Variants in MCEE observed in about 807,000 individuals in gnomAD.
MCEE encodes the protein methylmalonyl-CoA epimerase, mitochondrial.
Under a neutral mutation model 12.9 loss-of-function variants are expected in MCEE, and 6 were observed. The observed-to-expected ratio is 0.47, with a 90% CI of 0.26 to 0.92. The LOEUF is 0.92. Among genes scored for constraint, MCEE ranks in the 40% least tolerant of loss-of-function variants. MCEE has a pLI of 0.16. For synonymous variants in MCEE, 78 were observed against 77.9 expected (o/e 1.00, Z -0.01); for missense variants, 214 against 212.1 (o/e 1.01, Z -0.05).
intron 1 of MCEE, among the ~76,000 whole-genome samples, chr2:71,125,211 A>ATATATATATATATATATTTT: frequency 4.1e-5 from 2 of 48,596 alleles, no homozygotes; most frequent in African/African-American, 6.0e-5. Flanking sequence ...ATATATATAT[A>ATATATATATATATATATTTT]TTTTTTTTTT....
chr2:71,119,045 A>T (rs1673049170), intron 2 of MCEE, among the ~76,000 whole-genome samples: 1 of 149,696 alleles, frequency 6.7e-6, no homozygotes, highest in South Asian at 2.1e-4. Context: ...AACAAAAATG[A>T]CTCTTCTGCT....
chr2:71,113,080 C>T (rs1672921854), intron 2 of MCEE, among the ~76,000 whole-genome samples: 1 of 152,190 alleles, frequency 6.6e-6, no homozygotes, highest in African/African-American at 2.4e-5. Flanking sequence ...ACAAATATAA[C>T]TACCACACAT....
At chr2:71,125,179 A>G (rs1273177569) in intron 1 of MCEE, among the ~76,000 whole-genome samples, 8 of 70,134 alleles carry the variant, frequency 1.1e-4, no homozygotes, top group Admixed American at 8.2e-4. Context: ...ATGTGTGTGT[A>G]TATATATAAA....
intron 2 of MCEE, among the ~76,000 whole-genome samples, chr2:71,119,431 C>G (rs1399118270): frequency 6.6e-6 from 1 of 150,604 alleles, no homozygotes; most frequent in Non-Finnish European, 1.5e-5. Flanking sequence ...GGACTCATCA[C>G]TGACTGAAAC....
chr2:71,124,167 A>C, intron 2 of MCEE, 39 bp downstream of exon 2: 1 of 1,453,404 alleles, frequency 6.9e-7, no homozygotes, highest in Non-Finnish European at 9.6e-7. Context: ...TTTTTAAAAG[A>C]GAGATTTAAA....
rs1262049786 is a variant in MCEE at position 71,109,927 on chromosome 2, A to C, written c.*43T>G. 3 of 1,603,440 alleles carry C rather than the reference A, an allele frequency of 1.9e-6. No individual in the cohort carries two copies. The highest frequency in any genetic ancestry group is 1.3e-5 in the African/African-American group (1 of 74,874). On this transcript the variant is annotated 3_prime_UTR_variant, in exon 3 of 3. Coordinates refer to ENST00000244217, the MANE Select transcript of MCEE (RefSeq NM_032601.4). ...ATAGTACATTTTGATAGTATTTGAT[A>C]GGCTTTTTCAGGTCAATTAATTTAG...
At chr2:71,129,221 T>C (rs894529475) in intron 1 of MCEE, among the ~76,000 whole-genome samples, 1 of 152,212 alleles carries the variant, frequency 6.6e-6, no homozygotes, top group Non-Finnish European at 1.5e-5. Context: ...AGTCATACTT[T>C]TTCCCAAACT....
In MCEE at chr2:71,118,395, C is replaced by T. The variant is rs939550505; in HGVS notation, c.378+5811G>A. Reference sequence around the variant, plus strand: ...TTGCTGCCGCTGCCCCTCAGGTGGACGCTCTTCTCAACATCCTTGGGCTCC... The same window carrying T: ...TTGCTGCCGCTGCCCCTCAGGTGGATGCTCTTCTCAACATCCTTGGGCTCC... On this transcript the variant is annotated intron_variant, in intron 2 of 2. Transcript: ENST00000244217. 6.0e-5 allele frequency: 9 copies of T among 150,804 alleles called. 1 individual carries two copies. Among genetic ancestry groups the T allele is most frequent in the African/African-American group, 1.5e-4 (6 of 39,648 alleles). 9.3% of individuals were successfully genotyped at this position (150,804 alleles called of 1,614,324 possible). A position where few individuals can be genotyped will look rare whatever the true frequency, so the allele number is the denominator to read the frequency against.
intron 1 of MCEE, among the ~76,000 whole-genome samples, chr2:71,125,131 T>A (rs1673189056): frequency 7.3e-6 from 1 of 136,494 alleles, no homozygotes; most frequent in East Asian, 2.1e-4. Flanking sequence ...GGATTACAGG[T>A]GCCTGTCACC....
chr2:71,126,555 A>C (rs1009308160), intron 1 of MCEE, among the ~76,000 whole-genome samples: 4 of 105,094 alleles, frequency 3.8e-5, no homozygotes, highest in African/African-American at 1.5e-4. Flanking sequence ...GGGTTTTGTT[A>C]TGTACATTTT....
chr2:71,115,708 A>T (rs28588591), intron 2 of MCEE, among the ~76,000 whole-genome samples: 9,282 of 149,076 alleles, frequency 0.062, 1,248 homozygotes, highest in African/African-American at 0.18. Flanking sequence ...CCCATCTTTT[A>T]AAAAAAGGGA....
In MCEE at chr2:71,118,190, A is replaced by AT. The variant is rs1185283129; in HGVS notation, c.378+6015dup. On this transcript the variant is annotated intron_variant, in intron 2 of 2. Coordinates refer to ENST00000244217, the MANE Select transcript of MCEE (RefSeq NM_032601.4). The stretch of plus-strand genomic sequence containing the variant: ...CTCACCCTTCTCAGGCCCTGCTCCC[A>AT]TACCAGGCCACTCCCTGCGAGGACA... 4.0e-5 allele frequency among the ~76,000 whole-genome samples: 6 copies of AT among 149,520 alleles called. 1 individual carries two copies. Among genetic ancestry groups the AT allele is most frequent in the African/African-American group, 1.3e-4 (5 of 39,130 alleles).
intron 2 of MCEE, among the ~76,000 whole-genome samples, chr2:71,122,727 T>G (rs1262654372): frequency 6.6e-6 from 1 of 152,204 alleles, no homozygotes; most frequent in African/African-American, 2.4e-5. Context: ...CATGTGGGAA[T>G]TCAAGATGAG....
At chr2:71,121,828 G>A (rs534530468) in intron 2 of MCEE, among the ~76,000 whole-genome samples, 2 of 152,244 alleles carry the variant, frequency 1.3e-5, no homozygotes, top group East Asian at 3.9e-4. Flanking sequence ...CTAATATTAG[G>A]ACTTGTTTAG....
intron 2 of MCEE, among the ~76,000 whole-genome samples, chr2:71,119,375 C>T (rs1002083426): frequency 2.0e-5 from 3 of 150,272 alleles, no homozygotes; most frequent in Non-Finnish European, 4.4e-5. Flanking sequence ...TCAACACAGA[C>T]AAAGTACAAT....
chr2:71,113,626 A>T (rs1387843331), intron 2 of MCEE, among the ~76,000 whole-genome samples: 1 of 152,250 alleles, frequency 6.6e-6, no homozygotes, highest in Non-Finnish European at 1.5e-5. Flanking sequence ...GAATCAACTG[A>T]AAGAGCTCCT....
At chr2:71,127,118 T>TA (rs1673250954) in intron 1 of MCEE, among the ~76,000 whole-genome samples, 3 of 152,350 alleles carry the variant, frequency 2.0e-5, no homozygotes, top group Non-Finnish European at 4.4e-5. Context: ...GAAGTGTTAA[T>TA]AAAAAACGCA....
intron 1 of MCEE, among the ~76,000 whole-genome samples, chr2:71,126,274 C>G (rs1673230213): frequency 1.3e-5 from 2 of 152,168 alleles, no homozygotes; most frequent in Admixed American, 1.3e-4. Context: ...TTCACCCAGG[C>G]TGGAGTGCAA....
intron 2 of MCEE, among the ~76,000 whole-genome samples, chr2:71,111,632 A>G (rs1672887127): frequency 6.6e-6 from 1 of 152,154 alleles, no homozygotes; most frequent in South Asian, 2.1e-4. Context: ...TCCGATGAAG[A>G]CATGAAAGGT....
Sources: gnomAD v4.1 joint callset for allele counts (sites outside exome capture counted in the v4.1 genomes callset) on GRCh38, gnomAD v4.1.1 for gene constraint, MANE v1.5 for transcripts, NCBI Gene and HGNC (gene_info 2026-07-23, HGNC 2026-07-21) for gene names.